Variants in CEP63 observed in about 807,000 individuals in gnomAD.
The protein encoded by CEP63 is centrosomal protein of 63 kDa.
Under a neutral mutation model 89.1 loss-of-function variants are expected in CEP63, and 84 were observed. The ratio of observed to expected loss-of-function variants is 0.94; its 90% CI spans 0.79 to 1.13. CEP63 has a LOEUF of 1.13. CEP63 is among the 50% of genes most tolerant of loss of function. CEP63 has a pLI of 0.00. For missense variants in CEP63, 838 were observed against 813.3 expected (o/e 1.03, Z -0.37); for synonymous variants, 267 against 272.5 (o/e 0.98, Z 0.20).
chr3:134,571,037 A>T (rs1193003818), intron 11 of CEP63, among the ~76,000 whole-genome samples: 3 of 152,226 alleles, frequency 2.0e-5, no homozygotes, highest in Non-Finnish European at 2.9e-5. Context: ...TGCCCCCATG[A>T]TTCAACCACC....
At chr3:134,589,728 C>T (rs1241198724), downstream of CEP63, among the ~76,000 whole-genome samples, 1 of 152,226 alleles carries the variant, frequency 6.6e-6, no homozygotes, top group African/African-American at 2.4e-5. Flanking sequence ...ACCATTCGAC[C>T]CAGCAATCTC....
chr3:134,664,973 C>T, the CEP63 span, among the ~76,000 whole-genome samples: 1 of 152,234 alleles, frequency 6.6e-6, no homozygotes, highest in East Asian at 1.9e-4. Flanking sequence ...ATGGTGGGAG[C>T]AACAGGGGCA....
chr3:134,666,310 A>C, the CEP63 span, among the ~76,000 whole-genome samples: 1 of 152,192 alleles, frequency 6.6e-6, no homozygotes, highest in Non-Finnish European at 1.5e-5. Context: ...GGCATGTGCA[A>C]ATGCAGGTGC....
chr3:134,547,039 T>C (rs111851814), intron 8 of CEP63, among the ~76,000 whole-genome samples: 191 of 152,338 alleles, frequency 1.3e-3, no homozygotes, highest in African/African-American at 4.3e-3. Context: ...TCCTGTAACT[T>C]TTCAGTTTTT....
At chr3:134,680,620 C>A in the CEP63 span, among the ~76,000 whole-genome samples, 1 of 152,162 alleles carries the variant, frequency 6.6e-6, no homozygotes, top group African/African-American at 2.4e-5. Flanking sequence ...AAATATCTGG[C>A]TTAGTGATGC....
At chr3:134,780,062 C>T in the CEP63 span, among the ~76,000 whole-genome samples, 2 of 152,188 alleles carry the variant, frequency 1.3e-5, no homozygotes, top group African/African-American at 4.8e-5. Context: ...TCTTGTTGCT[C>T]TGTATTCTAC....
the CEP63 span, among the ~76,000 whole-genome samples, chr3:134,727,768 C>A: frequency 6.6e-6 from 1 of 152,132 alleles, no homozygotes; most frequent in Admixed American, 6.6e-5. Context: ...TGTCTATATG[C>A]ATGTGTTAGG....
chr3:134,571,978 G>A (rs567894023), intron 11 of CEP63, among the ~76,000 whole-genome samples: 1 of 152,232 alleles, frequency 6.6e-6, no homozygotes, highest in East Asian at 1.9e-4. Context: ...CTAGCACTGT[G>A]GCCTATACTC....
intron 3 of CEP63, among the ~76,000 whole-genome samples, chr3:134,530,501 C>T (rs1949662552): frequency 6.6e-6 from 1 of 151,824 alleles, no homozygotes; most frequent in Non-Finnish European, 1.5e-5. Context: ...AAGTTAAAAG[C>T]CCTTTGATTT....
intron 4 of CEP63, 36 bp downstream of exon 4, chr3:134,531,976 G>A (rs1295685261): frequency 6.9e-7 from 1 of 1,442,976 alleles, no homozygotes; most frequent in Non-Finnish European, 9.7e-7. Flanking sequence ...TGTGTGTGTA[G>A]TTCTCTCTCT....
At chr3:134,604,436 G>A in the CEP63 span, 122 of 1,613,118 alleles carry the variant, frequency 7.6e-5, no homozygotes, top group Non-Finnish European at 4.2e-5. Flanking sequence ...AACAGCGTCG[G>A]GGCGCAGCTC....
the CEP63 span, among the ~76,000 whole-genome samples, chr3:134,614,001 A>G: frequency 6.6e-6 from 1 of 152,226 alleles, no homozygotes; most frequent in Non-Finnish European, 1.5e-5. Flanking sequence ...CAATGTAACA[A>G]CATAAAAAAA....
intron 1 of CEP63, among the ~76,000 whole-genome samples, chr3:134,489,312 C>G (rs1159574092): frequency 6.6e-6 from 1 of 152,106 alleles, no homozygotes; most frequent in Non-Finnish European, 1.5e-5. Flanking sequence ...CAGCACTGCT[C>G]TAGAAGCCTG....
chr3:134,485,936 C>T (rs1479621366), upstream of CEP63: 13 of 969,728 alleles, frequency 1.3e-5, no homozygotes, highest in East Asian at 5.7e-4. Context: ...AGGCCGGGGG[C>T]GCTGGAAACC....
At chr3:134,594,206 A>T in the CEP63 span, among the ~76,000 whole-genome samples, 2 of 152,080 alleles carry the variant, frequency 1.3e-5, no homozygotes, top group Admixed American at 6.5e-5. Context: ...ACCATCCTTT[A>T]CCCAGATGGG....
At chr3:134,733,647 G>A in the CEP63 span, among the ~76,000 whole-genome samples, 1 of 152,146 alleles carries the variant, frequency 6.6e-6, no homozygotes, top group African/African-American at 2.4e-5. Flanking sequence ...ATGTGCCAGT[G>A]GAGGCAGAGA....
intron 6 of CEP63, among the ~76,000 whole-genome samples, chr3:134,540,006 A>G (rs767762869): frequency 2.0e-5 from 3 of 152,150 alleles, no homozygotes; most frequent in Admixed American, 6.5e-5. Flanking sequence ...GGAAAAACCT[A>G]TATGCACTGT....
chr3:134,700,570 T>A, the CEP63 span, among the ~76,000 whole-genome samples: 1 of 149,652 alleles, frequency 6.7e-6, no homozygotes, highest in African/African-American at 2.5e-5. Flanking sequence ...TTTTTAGTTA[T>A]TTTTTTTTTA....
intron 5 of CEP63, chr3:134,536,239 C>G (rs1950758600): frequency 6.6e-6 from 1 of 152,254 alleles, no homozygotes; most frequent in African/African-American, 2.4e-5. Context: ...TCTGTTGCCC[C>G]CAGTTGAGTA....
Sources: allele counts gnomAD v4.1 joint callset (sites outside exome capture counted in the v4.1 genomes callset), GRCh38; gene constraint gnomAD v4.1.1; transcripts MANE v1.5; gene names NCBI Gene and HGNC (gene_info 2026-07-23, HGNC 2026-07-21).